Variants in NRXN3 observed in about 807,000 individuals in gnomAD.
The protein encoded by NRXN3 is neurexin 3.
In NRXN3, 32 loss-of-function variants were observed where a neutral mutation model predicts 137.6. That is an observed-to-expected ratio of 0.23 (90% CI 0.18 to 0.31). The LOEUF (loss-of-function observed/expected upper bound fraction) is 0.31, where lower values mean the gene tolerates loss of function less well. Among genes scored for constraint, NRXN3 ranks in the 10% least tolerant of loss-of-function variants. NRXN3 has a pLI of 1.00. For synonymous variants in NRXN3, 798 were observed against 784.5 expected, an observed-to-expected ratio of 1.02 and a Z score of -0.29; for missense variants, 1,574 against 2,062.5, an observed-to-expected ratio of 0.76 and a Z score of 4.59.
rs1009868428 is a variant in NRXN3, at chr14:78,956,900, G to A, written c.2276-342G>A. On this transcript the variant is annotated intron_variant, in intron 10 of 20. Transcript: ENST00000335750. ...AATTTCCTATATCTTAAAGGAATTC[G>A]TCTGGATTCTAAAACTTTGAGAGAT... 7.9e-5 allele frequency among the ~76,000 whole-genome samples: 12 copies of A among 152,250 alleles called. 1 individual carries two copies. The South Asian group carries it at 1.5e-3, about 18-fold the overall frequency.
intron 16 of NRXN3, among the ~76,000 whole-genome samples, chr14:79,484,051 G>T (rs1451974987): frequency 6.6e-6 from 1 of 152,028 alleles, no homozygotes; most frequent in Non-Finnish European, 1.5e-5. Context: ...ACTTTCTGTT[G>T]TTCCCATTGA....
intron 4 of NRXN3, among the ~76,000 whole-genome samples, chr14:78,476,700 T>C (rs2095384768): frequency 6.6e-6 from 1 of 152,184 alleles, no homozygotes; most frequent in Non-Finnish European, 1.5e-5. Context: ...TTAGTTCTCT[T>C]TTCCCCAGCA....
intron 15 of NRXN3, among the ~76,000 whole-genome samples, chr14:79,030,437 G>A (rs2099605884): frequency 6.6e-6 from 1 of 151,912 alleles, no homozygotes; most frequent in South Asian, 2.1e-4. Context: ...CTTGACACCT[G>A]CTCACAAACC....
chr14:78,710,505 G>C (rs745818338), intron 7 of NRXN3, among the ~76,000 whole-genome samples: 2 of 152,186 alleles, frequency 1.3e-5, no homozygotes, highest in Non-Finnish European at 2.9e-5. Flanking sequence ...GCAGTAATTA[G>C]AGCATTTGCC....
intron 19 of NRXN3, among the ~76,000 whole-genome samples, chr14:79,792,474 A>AACC (rs2099148316): frequency 6.6e-6 from 1 of 152,228 alleles, no homozygotes; most frequent in Admixed American, 6.5e-5. Context: ...AAAGCATTTG[A>AACC]ATCAATATGT....
intron 15 of NRXN3, among the ~76,000 whole-genome samples, chr14:79,059,234 G>C (rs562724346): frequency 1.6e-4 from 22 of 138,882 alleles, no homozygotes; most frequent in Non-Finnish European, 3.3e-4. Flanking sequence ...TAAGAAGGCT[G>C]CCTTCAGGCC....
At chr14:79,147,491 G>A (rs146117697) in intron 15 of NRXN3, among the ~76,000 whole-genome samples, 49 of 152,058 alleles carry the variant, frequency 3.2e-4, no homozygotes, top group East Asian at 5.8e-4. Context: ...ATTTAATTTC[G>A]CCCATTTAAG....
chr14:79,482,448 C>T (rs1387046114), intron 16 of NRXN3, among the ~76,000 whole-genome samples: 10 of 152,270 alleles, frequency 6.6e-5, no homozygotes, highest in African/African-American at 1.9e-4. Context: ...AGAGCTCTCT[C>T]GCTATCTGGT....
intron 15 of NRXN3, among the ~76,000 whole-genome samples, chr14:79,073,642 T>G (rs571073856): frequency 6.6e-6 from 1 of 152,318 alleles, no homozygotes; most frequent in African/African-American, 2.4e-5. Flanking sequence ...TTTTATTCCC[T>G]TCCCTTTGCA....
chr14:78,659,862 A>C (rs1447827915), intron 6 of NRXN3, among the ~76,000 whole-genome samples: 1 of 152,100 alleles, frequency 6.6e-6, no homozygotes, highest in Non-Finnish European at 1.5e-5. Context: ...AAAGAGAGAG[A>C]GAAAGAAAGA....
chr14:78,453,491 G>C (rs1397464459), intron 4 of NRXN3, among the ~76,000 whole-genome samples: 1 of 152,148 alleles, frequency 6.6e-6, no homozygotes. Context: ...GTTAGAACAG[G>C]GAGCTCTGAT....
chr14:79,776,258 T>G (rs2099096765), intron 19 of NRXN3, among the ~76,000 whole-genome samples: 1 of 152,232 alleles, frequency 6.6e-6, no homozygotes, highest in African/African-American at 2.4e-5. Context: ...CCTCCTAGAC[T>G]ATGAAATCCT....
chr14:79,589,646 G>C (rs972015729), intron 16 of NRXN3, among the ~76,000 whole-genome samples: 5 of 148,928 alleles, frequency 3.4e-5, no homozygotes, highest in African/African-American at 7.4e-5. Flanking sequence ...ATCAAAAATT[G>C]CTTTTTAAGT....
At chr14:78,673,098 C>A (rs1334815759) in intron 6 of NRXN3, among the ~76,000 whole-genome samples, 3 of 152,148 alleles carry the variant, frequency 2.0e-5, no homozygotes, top group African/African-American at 7.2e-5. Context: ...TAGTAGAATG[C>A]CGATTATCCT....
intron 4 of NRXN3, among the ~76,000 whole-genome samples, chr14:78,387,411 A>G (rs2090129850): frequency 6.6e-6 from 1 of 152,190 alleles, no homozygotes; most frequent in African/African-American, 2.4e-5. Flanking sequence ...CCTTGGGGTG[A>G]CCTTAAATAA....
chr14:79,052,273 G>A (rs2099643069), intron 15 of NRXN3, among the ~76,000 whole-genome samples: 1 of 152,006 alleles, frequency 6.6e-6, no homozygotes, highest in African/African-American at 2.4e-5. Context: ...ATGTTTCTAG[G>A]GATTCTAGGT....
intron 9 of NRXN3, among the ~76,000 whole-genome samples, chr14:78,805,754 C>T (rs1413498586): frequency 6.6e-6 from 1 of 152,122 alleles, no homozygotes; most frequent in African/African-American, 2.4e-5. Context: ...GGAGTGTACA[C>T]AGTGTCATTA....
Position 79,314,819 on chromosome 14 carries a change from C to G in NRXN3, c.3263-152402C>G, listed in dbSNP as rs370948771. On this transcript the variant is annotated intron_variant, in intron 15 of 20. Coordinates refer to ENST00000335750, the MANE Select transcript of NRXN3 (RefSeq NM_001330195.2). ...AGCAGGGGTACACTGACACCTCACA[C>G]GGCAGGGTATTCCAACAGACCTGCA... is the stretch of plus-strand genomic sequence containing the variant. 5.7e-3 allele frequency among the ~76,000 whole-genome samples: 832 copies of G among 146,206 alleles called. 3 individuals carry two copies. The highest frequency in any genetic ancestry group is 6.8e-3 in the Non-Finnish European group (453 of 66,504).
chr14:79,572,724 A>G (rs1230723153), intron 16 of NRXN3: 2 of 152,344 alleles, frequency 1.3e-5, no homozygotes, highest in African/African-American at 4.8e-5. Flanking sequence ...TTCTAGAAAG[A>G]AGACATGTAC....
Sources: gnomAD v4.1 joint callset for allele counts (sites outside exome capture counted in the v4.1 genomes callset) on GRCh38, gnomAD v4.1.1 for gene constraint, MANE v1.5 for transcripts, NCBI Gene and HGNC (gene_info 2026-07-23, HGNC 2026-07-21) for gene names.